CTIF: variants seen among roughly 807,000 people sequenced by gnomAD.
CTIF encodes cap binding complex dependent translation initiation factor.
Under a neutral mutation model 66.0 loss-of-function variants are expected in CTIF, and 21 were observed. That is an observed-to-expected ratio of 0.32 (90% CI 0.23 to 0.46). The LOEUF is 0.46. CTIF is among the 20% of genes least tolerant of loss of function. CTIF has a pLI of 1.00. For synonymous variants in CTIF, 345 were observed against 326.4 expected (o/e 1.06, Z -0.62); for missense variants, 739 against 812.7 (o/e 0.91, Z 1.10).
chr18:48,648,493 A>ACG (rs1229925945), intron 3 of CTIF, among the ~76,000 whole-genome samples: 1 of 151,540 alleles, frequency 6.6e-6, no homozygotes, highest in Non-Finnish European at 1.5e-5. Flanking sequence ...ACACACGCAC[A>ACG]CACACACACA....
intron 7 of CTIF, among the ~76,000 whole-genome samples, chr18:48,725,382 G>A (rs191361577): frequency 6.6e-6 from 1 of 152,240 alleles, no homozygotes; most frequent in East Asian, 1.9e-4. Context: ...CCCTCCCAAG[G>A]CTCCACCATC....
chr18:48,767,002 C>T (rs568082329), intron 9 of CTIF, among the ~76,000 whole-genome samples: 7 of 81,002 alleles, frequency 8.6e-5, no homozygotes, highest in East Asian at 1.3e-3. Context: ...TTCTCACCCA[C>T]GGTGCCAGGC....
intron 10 of CTIF, among the ~76,000 whole-genome samples, chr18:48,846,711 A>T (rs536611481): frequency 1.3e-5 from 2 of 151,280 alleles, no homozygotes; most frequent in East Asian, 3.9e-4. Context: ...GAAAGGATGG[A>T]TAGATGGGCG....
At chr18:48,546,705 C>T (rs2088760056) in intron 1 of CTIF, among the ~76,000 whole-genome samples, 1 of 151,990 alleles carries the variant, frequency 6.6e-6, no homozygotes, top group East Asian at 1.9e-4. Flanking sequence ...TCCTCCGAGA[C>T]TAGAGATGAT....
intron 9 of CTIF, among the ~76,000 whole-genome samples, chr18:48,775,632 A>T (rs578173306): frequency 3.3e-5 from 5 of 152,258 alleles, no homozygotes; most frequent in Non-Finnish European, 7.3e-5. Context: ...TGCCTGACAC[A>T]TAAAGGGGGG....
chr18:48,572,304 ATGAG>A (rs2089434624), intron 1 of CTIF, among the ~76,000 whole-genome samples: 1 of 152,172 alleles, frequency 6.6e-6, no homozygotes, highest in Non-Finnish European at 1.5e-5. Context: ...CAACATCTAG[ATGAG>A]TGTTTGAGCA....
At position 48,859,736 on chromosome 18, in the gene CTIF, G is replaced by C. The variant is rs904650428; in HGVS notation, c.*177G>C. The C allele has an allele frequency of 4.3e-6, 3 of 702,000 alleles. No homozygotes were observed. The highest frequency in any genetic ancestry group is 7.8e-6 in the Non-Finnish European group (3 of 386,866). 43.5% of individuals were successfully genotyped at this position (702,000 alleles called of 1,614,324 possible). ...GGAAGGGAGCAAATCCCTGAGAGGA[G>C]TGCCCCCGCACAAGCCCCCCAGCCC... is the stretch of plus-strand genomic sequence containing the variant. On this transcript the variant is annotated 3_prime_UTR_variant, in exon 12 of 12. Transcript: ENST00000256413.
rs2069498195 is a variant in CTIF, at chr18:48,862,606, T to A, written c.*3047T>A. 1 of 152,724 alleles carries A rather than the reference T, an allele frequency of 6.5e-6. No homozygotes were observed. The highest frequency in any genetic ancestry group is 2.4e-5 in the African/African-American group (1 of 41,458). The allele number at this position is 152,724 out of a possible 1,614,324, so 9.5% of individuals were successfully genotyped here. ...GTAAACCTTCACTGTTTGGGGATCG[T>A]CCTGTCCATCCATGTAAATGTAAAT... is the stretch of plus-strand genomic sequence containing the variant. On this transcript the variant is annotated 3_prime_UTR_variant, in exon 12 of 12. Transcript: ENST00000256413.
chr18:48,575,131 C>A (rs2089502690), intron 1 of CTIF, among the ~76,000 whole-genome samples: 1 of 152,226 alleles, frequency 6.6e-6, no homozygotes, highest in Admixed American at 6.5e-5. Context: ...CCAGCTTCCC[C>A]TTTTGAGGTG....
intron 5 of CTIF, among the ~76,000 whole-genome samples, chr18:48,665,792 A>G (rs2091426652): frequency 6.6e-6 from 1 of 152,246 alleles, no homozygotes; most frequent in Non-Finnish European, 1.5e-5. Context: ...TCATTATAGC[A>G]TGTAGCAGAA....
chr18:48,540,441 G>T (rs2088581346), intron 1 of CTIF: 1 of 152,110 alleles, frequency 6.6e-6, no homozygotes, highest in Non-Finnish European at 1.5e-5. Context: ...CCGGTGCCTG[G>T]ATGTGGCCGG....
At chr18:48,722,206 C>CTTTTTTT (rs34736291) in intron 7 of CTIF, among the ~76,000 whole-genome samples, 11 of 81,068 alleles carry the variant, frequency 1.4e-4, no homozygotes, top group Non-Finnish European at 1.8e-4. Flanking sequence ...TGGCCCTGTG[C>CTTTTTTT]TTTTTTTTTT....
rs575692025 is a variant in CTIF at position 48,652,407 on chromosome 18, A to G, written c.253-11345A>G. Among the ~76,000 whole-genome samples, 25 of 152,378 alleles carry G rather than the reference A, an allele frequency of 1.6e-4. No individual in the cohort carries two copies. In the South Asian group the frequency reaches 4.6e-3, roughly 28 times the overall value. ...AGAAGAAATGGATAAATTCCTGGAC[A>G]CATACACCCTCCCAAGACTAAACCA... On this transcript the variant is annotated intron_variant, in intron 3 of 11. Coordinates refer to ENST00000256413, the MANE Select transcript of CTIF (RefSeq NM_014772.3).
At chr18:48,614,215 C>A (rs1169518017) in intron 1 of CTIF, among the ~76,000 whole-genome samples, 1 of 152,128 alleles carries the variant, frequency 6.6e-6, no homozygotes, top group Admixed American at 6.5e-5. Context: ...AGGCTGAAAC[C>A]CCCAAAGCTC....
chr18:48,546,409 C>A (rs560033519), intron 1 of CTIF, among the ~76,000 whole-genome samples: 1 of 152,086 alleles, frequency 6.6e-6, no homozygotes, highest in Non-Finnish European at 1.5e-5. Flanking sequence ...ATAAGCACGT[C>A]CAAAAGGGGC....
At chr18:48,651,957 A>G (rs922050495) in intron 3 of CTIF, among the ~76,000 whole-genome samples, 3 of 152,244 alleles carry the variant, frequency 2.0e-5, no homozygotes, top group Non-Finnish European at 2.9e-5. Flanking sequence ...CCTCGGACAC[A>G]TTTAAAGCAG....
At chr18:48,846,230 G>A (rs1464955626) in intron 10 of CTIF, among the ~76,000 whole-genome samples, 1 of 152,124 alleles carries the variant, frequency 6.6e-6, no homozygotes, top group Non-Finnish European at 1.5e-5. Flanking sequence ...TACTCTGCTA[G>A]TGCACATTTT....
At chr18:48,635,207 G>T (rs1298216003) in intron 2 of CTIF, among the ~76,000 whole-genome samples, 2 of 152,082 alleles carry the variant, frequency 1.3e-5, no homozygotes, top group Non-Finnish European at 2.9e-5. Flanking sequence ...TCCAGCCAAG[G>T]TTTTAGAAAG....
At chr18:48,765,417 T>C (rs1909426910) in intron 9 of CTIF, among the ~76,000 whole-genome samples, 1 of 152,038 alleles carries the variant, frequency 6.6e-6, no homozygotes, top group African/African-American at 2.4e-5. Flanking sequence ...GGCTTAGCAA[T>C]GCAGGCTACA....
Sources: gnomAD v4.1 joint callset for allele counts (sites outside exome capture counted in the v4.1 genomes callset) on GRCh38, gnomAD v4.1.1 for gene constraint, MANE v1.5 for transcripts, NCBI Gene and HGNC (gene_info 2026-07-23, HGNC 2026-07-21) for gene names.